The following ALK variants were observed in gnomAD, a reference collection of about 807,000 sequenced individuals.
ALK encodes ALK tyrosine kinase receptor.
ALK carries 74 observed loss-of-function variants against 163.1 expected under a neutral mutation model. That is an observed-to-expected ratio of 0.45 (90% CI 0.38 to 0.55). ALK has a LOEUF of 0.55. Ranked by LOEUF, ALK falls within the 20% of genes least tolerant of loss-of-function variation. The pLI is 0.00. For synonymous variants in ALK, 960 were observed against 843.2 expected (o/e 1.14, Z -2.40); for missense variants, 2,063 against 2,105.3 (o/e 0.98, Z 0.39).
At chr2:29,271,323 CCAAT>C (rs1358242579) in intron 11 of ALK, among the ~76,000 whole-genome samples, 1 of 152,100 alleles carries the variant, frequency 6.6e-6, no homozygotes, top group Non-Finnish European at 1.5e-5. Context: ...AGAAATAGAC[CCAAT>C]CAATTTATAT....
intron 4 of ALK, among the ~76,000 whole-genome samples, chr2:29,482,629 T>C (rs1671689375): frequency 6.6e-6 from 1 of 152,114 alleles, no homozygotes; most frequent in Non-Finnish European, 1.5e-5. Flanking sequence ...ATGTATCCTA[T>C]GGGTCCTCAG....
chr2:29,877,639 C>T (rs1396335161), intron 1 of ALK, among the ~76,000 whole-genome samples: 3 of 152,146 alleles, frequency 2.0e-5, no homozygotes, highest in African/African-American at 7.2e-5. Flanking sequence ...ATTCATGAGG[C>T]CTCAGTCCAC....
chr2:29,278,755 G>A (rs796881757), intron 9 of ALK, among the ~76,000 whole-genome samples: 2 of 152,212 alleles, frequency 1.3e-5, no homozygotes, highest in Non-Finnish European at 2.9e-5. Context: ...AAGGACTCAG[G>A]TTCCCTGTGG....
chr2:29,921,579 T>A lies in ALK; in HGVS notation c.-920A>T, dbSNP rs1372163234. 4.3e-6 allele frequency: 1 copy of A among 230,578 alleles called. No individual in the cohort carries two copies. 14.3% of individuals were successfully genotyped at this position (230,578 alleles called of 1,614,324 possible). A position where few individuals can be genotyped will look rare whatever the true frequency, so the allele number is the denominator to read the frequency against. ...CGCTGCCGCCCCCAGAGCCGCTGGA[T>A]CGCATCTGCCTGGGCGCCCGCCACT... On this transcript the variant is annotated 5_prime_UTR_variant, in exon 1 of 29. Transcript: ENST00000389048.
At chr2:29,485,181 T>C (rs939542107) in intron 4 of ALK, among the ~76,000 whole-genome samples, 11 of 152,328 alleles carry the variant, frequency 7.2e-5, no homozygotes, top group African/African-American at 2.6e-4. Context: ...TAAGCACCTA[T>C]CTTCCATGTC....
intron 4 of ALK, among the ~76,000 whole-genome samples, chr2:29,413,708 T>C (rs1669793460): frequency 1.3e-5 from 2 of 152,218 alleles, no homozygotes; most frequent in Middle Eastern, 6.8e-3. Context: ...ATTTTTTATA[T>C]ATTTAGTAGA....
At chr2:29,218,982 C>CAGTA (rs1223137104) in intron 23 of ALK, among the ~76,000 whole-genome samples, 2 of 152,334 alleles carry the variant, frequency 1.3e-5, no homozygotes, top group South Asian at 2.1e-4. Flanking sequence ...ACTGGATAAG[C>CAGTA]AGTAAGTTGG....
chr2:29,581,497 AG>A (rs1674689679), intron 3 of ALK, among the ~76,000 whole-genome samples: 1 of 152,200 alleles, frequency 6.6e-6, no homozygotes, highest in Non-Finnish European at 1.5e-5. Context: ...CCCCAGAGCC[AG>A]GGGAACACCT....
chr2:29,703,532 G>A (rs1413996069), intron 2 of ALK, among the ~76,000 whole-genome samples: 1 of 152,176 alleles, frequency 6.6e-6, no homozygotes, highest in Non-Finnish European at 1.5e-5. Context: ...TGCTGAAAGG[G>A]CTTAAGATGA....
chr2:29,774,767 G>T (rs970042797), intron 1 of ALK, among the ~76,000 whole-genome samples: 1 of 152,066 alleles, frequency 6.6e-6, no homozygotes, highest in African/African-American at 2.4e-5. Context: ...GACAAAGATG[G>T]ATACTGACAC....
At chr2:29,254,291 TTC>T (rs200450563) in intron 11 of ALK, among the ~76,000 whole-genome samples, 4 of 114,296 alleles carry the variant, frequency 3.5e-5, no homozygotes, top group Admixed American at 9.8e-5. Flanking sequence ...TGAATACATA[TTC>T]TCTCTCTCTC....
At chr2:29,365,584 T>C (rs1668484928) in intron 5 of ALK, among the ~76,000 whole-genome samples, 1 of 152,236 alleles carries the variant, frequency 6.6e-6, no homozygotes, top group South Asian at 2.1e-4. Flanking sequence ...ACACTCTGCA[T>C]CCTGTCTTCA....
intron 1 of ALK, among the ~76,000 whole-genome samples, chr2:29,829,005 G>A (rs1209955905): frequency 6.6e-6 from 1 of 151,936 alleles, no homozygotes; most frequent in East Asian, 1.9e-4. Context: ...ATGAGTTCAT[G>A]TCCTTTGTAG....
intron 1 of ALK, among the ~76,000 whole-genome samples, chr2:29,763,269 G>A (rs1056710843): frequency 6.6e-6 from 1 of 151,990 alleles, no homozygotes; most frequent in African/African-American, 2.4e-5. Context: ...AGGAGTACAT[G>A]AAATGCATGG....
chr2:29,830,637 G>A (rs778569829), intron 1 of ALK, among the ~76,000 whole-genome samples: 8 of 144,384 alleles, frequency 5.5e-5, no homozygotes, highest in Non-Finnish European at 9.0e-5. Context: ...AGGAGACTGA[G>A]GGAGGAGGAT....
chr2:29,671,812 G>A (rs772543854), intron 3 of ALK, among the ~76,000 whole-genome samples: 1 of 151,992 alleles, frequency 6.6e-6, no homozygotes, highest in Non-Finnish European at 1.5e-5. Context: ...GGTGTGGGGA[G>A]TAAAACCAGC....
intron 5 of ALK, among the ~76,000 whole-genome samples, chr2:29,351,594 C>T (rs954868384): frequency 1.3e-5 from 2 of 152,160 alleles, no homozygotes; most frequent in East Asian, 1.9e-4. Context: ...TGTGTGGTTC[C>T]GCCTTAAGAG....
chr2:29,831,316 A>AGAAGAAGAAGAG (rs1665414552), intron 1 of ALK, among the ~76,000 whole-genome samples: 1 of 145,860 alleles, frequency 6.9e-6, no homozygotes, highest in Non-Finnish European at 1.5e-5. Context: ...AAGAAGAAGA[A>AGAAGAAGAAGAG]GAAGAAATGT....
At chr2:29,292,795 C>T (rs1034000089) in intron 9 of ALK, among the ~76,000 whole-genome samples, 3 of 152,290 alleles carry the variant, frequency 2.0e-5, no homozygotes, top group East Asian at 3.9e-4. Context: ...TTCCTTCTAT[C>T]GCTTTACATG....
Sources: gnomAD v4.1 joint callset for allele counts (sites outside exome capture counted in the v4.1 genomes callset) on GRCh38, gnomAD v4.1.1 for gene constraint, MANE v1.5 for transcripts, NCBI Gene and HGNC (gene_info 2026-07-23, HGNC 2026-07-21) for gene names.